Variants in GRIK2 observed in about 807,000 individuals in gnomAD.
GRIK2 encodes the protein glutamate receptor ionotropic, kainate 2.
A neutral mutation model predicts 100.3 loss-of-function variants in GRIK2; 32 were observed. The observed-to-expected ratio is 0.32, with a 90% CI of 0.24 to 0.43. The LOEUF is 0.43. Ranked by LOEUF, GRIK2 falls within the 20% of genes least tolerant of loss-of-function variation. The pLI, the probability that GRIK2 is intolerant of heterozygous loss-of-function variation, is 1.00. For missense variants in GRIK2, 843 were observed against 1,114.9 expected, an observed-to-expected ratio of 0.76 and a Z score of 3.47; for synonymous variants, 417 against 389.4, an observed-to-expected ratio of 1.07 and a Z score of -0.83.
chr6:101,958,804 TTC>T (rs1180825389), intron 14 of GRIK2, among the ~76,000 whole-genome samples: 2 of 152,164 alleles, frequency 1.3e-5, no homozygotes, highest in South Asian at 4.1e-4. Flanking sequence ...TTGTTTTAAA[TTC>T]TGTTTATGTG....
chr6:101,510,829 G>T (rs1302004875), intron 2 of GRIK2, among the ~76,000 whole-genome samples: 1 of 148,630 alleles, frequency 6.7e-6, no homozygotes, highest in Non-Finnish European at 1.5e-5. Context: ...GCCAGGAGGA[G>T]ATCTTTAAAC....
intron 7 of GRIK2, among the ~76,000 whole-genome samples, chr6:101,769,647 C>T (rs1393830318): frequency 6.6e-6 from 1 of 152,070 alleles, no homozygotes; most frequent in Non-Finnish European, 1.5e-5. Context: ...GAGTTTCTTT[C>T]TAAATAAATG....
At chr6:101,719,950 TGAGA>T (rs1308029099) in intron 7 of GRIK2, among the ~76,000 whole-genome samples, 2 of 151,748 alleles carry the variant, frequency 1.3e-5, no homozygotes, top group Non-Finnish European at 2.9e-5. Context: ...AGAAAAAAGA[TGAGA>T]GAGAAAGAGA....
At chr6:102,000,385 A>C (rs1794876348) in intron 14 of GRIK2, among the ~76,000 whole-genome samples, 1 of 151,092 alleles carries the variant, frequency 6.6e-6, no homozygotes, top group Admixed American at 6.6e-5. Context: ...GGTAGTGAGC[A>C]TAGTACCCAA....
chr6:101,750,207 G>C (rs1445676369), intron 7 of GRIK2, among the ~76,000 whole-genome samples: 1 of 151,998 alleles, frequency 6.6e-6, no homozygotes, highest in Non-Finnish European at 1.5e-5. Flanking sequence ...TTACCATTTT[G>C]CTCTTGTGAA....
chr6:101,409,137 T>A (rs1775747496), intron 2 of GRIK2, among the ~76,000 whole-genome samples: 2 of 150,788 alleles, frequency 1.3e-5, no homozygotes, highest in African/African-American at 4.9e-5. Flanking sequence ...TGTGTGTGTG[T>A]GTGTGTGTGT....
intron 14 of GRIK2, among the ~76,000 whole-genome samples, chr6:101,945,511 T>A: frequency 6.6e-6 from 1 of 152,096 alleles, no homozygotes; most frequent in East Asian, 1.9e-4. Flanking sequence ...ATACATTGCA[T>A]CTAAAAGCTA....
intron 10 of GRIK2, among the ~76,000 whole-genome samples, chr6:101,820,595 T>C (rs533970108): frequency 5.9e-5 from 9 of 151,268 alleles, no homozygotes; most frequent in South Asian, 2.1e-4. Flanking sequence ...ACAGGCGCGC[T>C]ACCACTCCTA....
intron 7 of GRIK2, among the ~76,000 whole-genome samples, chr6:101,795,108 C>G (rs1291318665): frequency 1.3e-5 from 2 of 152,114 alleles, no homozygotes; most frequent in African/African-American, 2.4e-5. Context: ...TTCAGGTGAT[C>G]CATCCACCTC....
chr6:101,542,793 A>C (rs1776065817), intron 2 of GRIK2, among the ~76,000 whole-genome samples: 1 of 152,116 alleles, frequency 6.6e-6, no homozygotes, highest in Non-Finnish European at 1.5e-5. Flanking sequence ...TAATGTCTCC[A>C]TATGAAATGA....
chr6:101,763,620 G>A (rs1414951874), intron 7 of GRIK2, among the ~76,000 whole-genome samples: 1 of 151,978 alleles, frequency 6.6e-6, no homozygotes, highest in Non-Finnish European at 1.5e-5. Context: ...CTTCTTCTTT[G>A]TTCACTCAAG....
At chr6:101,431,808 GAAGTGGTTC>G (rs1028005396) in intron 2 of GRIK2, among the ~76,000 whole-genome samples, 9 of 152,092 alleles carry the variant, frequency 5.9e-5, no homozygotes, top group African/African-American at 2.2e-4. Flanking sequence ...TTCCAACACT[GAAGTGGTTC>G]AAGGGGCATA....
At chr6:101,781,564 TAC>T (rs1270099601) in intron 7 of GRIK2, among the ~76,000 whole-genome samples, 2 of 152,162 alleles carry the variant, frequency 1.3e-5, no homozygotes, top group African/African-American at 4.8e-5. Context: ...TATGCATACA[TAC>T]ACACATACCC....
In GRIK2 at chr6:101,941,646, C is replaced by A. The variant is rs9498759; in HGVS notation, c.2085+13014C>A. ...GGCTTGGATTTTTAAACAAAGAGAC[C>A]ATTTTTGGATGGAAAGATGGTAACA... is the stretch of plus-strand genomic sequence containing the variant. On this transcript the variant is annotated intron_variant, in intron 14 of 16. Transcript: ENST00000369134. Among the ~76,000 whole-genome samples the A allele has an allele frequency of 8.1e-3, 1,231 of 152,024 alleles. 17 individuals carry two copies. The highest frequency in any genetic ancestry group is 0.029 in the African/African-American group (1,196 of 41,470).
Position 101,494,541 on chromosome 6 carries a change from G to C in GRIK2, c.115+95149G>C, listed in dbSNP as rs148251263. The stretch of plus-strand genomic sequence containing the variant: ...ATTATATTATTTATAAAATTAATAA[G>C]AATTAGTATTCATTGTAGACGACTT... On this transcript the variant is annotated intron_variant, in intron 2 of 16. Transcript: ENST00000369134. Among the ~76,000 whole-genome samples, 54 of 151,940 alleles carry C rather than the reference G, an allele frequency of 3.6e-4. No homozygotes were observed. The East Asian group carries it at 9.3e-3, about 26-fold the overall frequency.
At chr6:101,955,576 T>TTCTCTCTCTCTCTCTCTCCCTCTC (rs1791868302) in intron 14 of GRIK2, among the ~76,000 whole-genome samples, 2 of 116,288 alleles carry the variant, frequency 1.7e-5, no homozygotes, top group Non-Finnish European at 3.4e-5. Context: ...GAGCAAGGCC[T>TTCTCTCTCTCTCTCTCTCCCTCTC]TCTCTCTCTC....
intron 2 of GRIK2, among the ~76,000 whole-genome samples, chr6:101,556,933 A>G (rs1376425507): frequency 6.6e-6 from 1 of 152,144 alleles, no homozygotes; most frequent in African/African-American, 2.4e-5. Context: ...AGTAAGTAAA[A>G]ATATTTATGT....
At chr6:101,850,257 T>C (rs989251639) in intron 10 of GRIK2, among the ~76,000 whole-genome samples, 8 of 152,040 alleles carry the variant, frequency 5.3e-5, no homozygotes, top group Admixed American at 3.3e-4. Context: ...CAGGAATTTT[T>C]CTATGTTGTT....
intron 14 of GRIK2, among the ~76,000 whole-genome samples, chr6:102,028,668 G>C (rs898175317): frequency 7.3e-6 from 1 of 137,746 alleles, no homozygotes; most frequent in Non-Finnish European, 1.7e-5. Context: ...GATTCTCTTG[G>C]CTTTATCTGG....
Sources: allele counts gnomAD v4.1 joint callset (sites outside exome capture counted in the v4.1 genomes callset), GRCh38; gene constraint gnomAD v4.1.1; transcripts MANE v1.5; gene names NCBI Gene and HGNC (gene_info 2026-07-23, HGNC 2026-07-21).